MAP3K14: variants seen among roughly 807,000 people sequenced by gnomAD.
The protein encoded by MAP3K14 is mitogen-activated protein kinase kinase kinase 14.
Under a neutral mutation model 99.2 loss-of-function variants are expected in MAP3K14, and 16 were observed. The ratio of observed to expected loss-of-function variants is 0.16; its 90% CI spans 0.11 to 0.24. MAP3K14 has a LOEUF of 0.24. MAP3K14 is among the 10% of genes least tolerant of loss of function. MAP3K14 has a pLI of 1.00. For missense variants in MAP3K14, 784 were observed against 1,208.7 expected (o/e 0.65, Z 5.21); for synonymous variants, 462 against 492.4 (o/e 0.94, Z 0.82).
intron 1 of MAP3K14, among the ~76,000 whole-genome samples, chr17:45,316,262 C>T (rs369988525): frequency 3.9e-5 from 6 of 152,252 alleles, no homozygotes; most frequent in African/African-American, 1.2e-4. Context: ...GGGAAACGTA[C>T]GTACAAGTGG....
chr17:45,266,436 A>G (rs1326024477), intron 14 of MAP3K14, 101 bp downstream of exon 14: 13 of 1,431,756 alleles, frequency 9.1e-6, no homozygotes, highest in Non-Finnish European at 1.2e-5. Context: ...CCTCCCTCCC[A>G]CTGTGCCAGA....
At chr17:45,277,071 G>A (rs1279164370) in intron 6 of MAP3K14, among the ~76,000 whole-genome samples, 3 of 151,202 alleles carry the variant, frequency 2.0e-5, no homozygotes, top group South Asian at 2.1e-4. Flanking sequence ...CTCATGATCC[G>A]CCCACCTCAG....
In MAP3K14 at chr17:45,287,055, G is replaced by C. The variant is rs758150852; in HGVS notation, c.538-10C>G. On this transcript the variant is annotated splice_polypyrimidine_tract_variant and intron_variant, in intron 4 of 15. Transcript: ENST00000344686. ...GTGGAGACTCATCCTCCTGCGGGGGGAAACACAGCTATCAGCACAGAGGGC... is the reference window on the plus strand; with the variant it reads ...GTGGAGACTCATCCTCCTGCGGGGGCAAACACAGCTATCAGCACAGAGGGC... The C allele has an allele frequency of 6.2e-7, 1 of 1,609,180 alleles. No homozygotes were observed. The highest frequency in any genetic ancestry group is 1.1e-5 in the South Asian group (1 of 90,860).
At chr17:45,276,916 G>A (rs1256301902) in intron 6 of MAP3K14, among the ~76,000 whole-genome samples, 3 of 131,732 alleles carry the variant, frequency 2.3e-5, no homozygotes, top group Non-Finnish European at 3.1e-5. Context: ...TGCAACCTCC[G>A]CCTCCTGGGT....
chr17:45,300,285 A>G (rs1454988685), intron 1 of MAP3K14, among the ~76,000 whole-genome samples: 1 of 152,074 alleles, frequency 6.6e-6, no homozygotes, highest in African/African-American at 2.4e-5. Context: ...CATCTATTCT[A>G]TTGGCATTGG....
At chr17:45,281,295 AAAG>A (rs1221843415) in intron 6 of MAP3K14, among the ~76,000 whole-genome samples, 1 of 151,222 alleles carries the variant, frequency 6.6e-6, no homozygotes, top group African/African-American at 2.4e-5. Context: ...GGGTCTCTAC[AAAG>A]AAGTGCTAGG....
chr17:45,282,018 GTC>G (rs1312061937), intron 6 of MAP3K14: 11 of 152,094 alleles, frequency 7.2e-5, no homozygotes, highest in African/African-American at 2.4e-4. Flanking sequence ...AAAAGCAAAA[GTC>G]TCCATTCCCC....
At chr17:45,276,112 G>A (rs899948025) in intron 6 of MAP3K14, among the ~76,000 whole-genome samples, 2 of 152,082 alleles carry the variant, frequency 1.3e-5, no homozygotes, top group African/African-American at 4.8e-5. Flanking sequence ...ACAGAGCAGT[G>A]TTTATTCTGT....
In MAP3K14 at chr17:45,267,522, G is replaced by A; in HGVS notation, c.2210C>T (p.Ser737Phe). 6.2e-7 allele frequency: 1 copy of A among 1,613,374 alleles called. No individual in the cohort carries two copies. The highest frequency in any genetic ancestry group is 8.5e-7 in the Non-Finnish European group (1 of 1,179,574). Reference protein sequence around the residue: ...SPPLTLSKEESGMWEPLPLSS... With the variant: ...SPPLTLSKEEFGMWEPLPLSS... Reference sequence around the variant, plus strand: ...CAGAGGTAAGGGTTCCCACATCCCAGACTCCTCCTTGCTCAAAGTCAAGGG... The same window carrying A: ...CAGAGGTAAGGGTTCCCACATCCCAAACTCCTCCTTGCTCAAAGTCAAGGG... The change falls in exon 12 of 16, where the codon TCT becomes TTT. Residue 737 changes from serine (S) to phenylalanine (F), a missense_variant. Physicochemically the swap from Ser to Phe is radical, Grantham distance 155. Coordinates refer to ENST00000344686, the MANE Select transcript of MAP3K14 (RefSeq NM_003954.5). This position sits in a 1 kb window ranked among gnomAD's most constrained non-coding sequence, Gnocchi z 5.1.
chr17:45,286,963 T>G lies in MAP3K14; in HGVS notation c.620A>C (p.Gln207Pro), dbSNP rs1394308874. Residue 207 changes from glutamine (Q) to proline (P), a missense_variant, in exon 5 of 16, where the codon CAA becomes CCA. Coordinates refer to ENST00000344686, the MANE Select transcript of MAP3K14 (RefSeq NM_003954.5). This position sits in a 1 kb window ranked among gnomAD's most constrained non-coding sequence, Gnocchi z 4.1. ...CTCGCCAAGCTGCTTAAAACAGAGT[T>G]GCCCAAGGCCTGGTTCCTTCAGAGG... ...TKPLKEPGLG[Q>P]LCFKQLGEGL... The G allele has an allele frequency of 1.9e-6, 3 of 1,613,908 alleles. No homozygotes were observed. The highest frequency in any genetic ancestry group is 2.5e-6 in the Non-Finnish European group (3 of 1,179,900).
Position 45,312,433 on chromosome 17 carries a change from G to A in MAP3K14, c.-21+4527C>T, listed in dbSNP as rs143738909. On this transcript the variant is annotated intron_variant, in intron 1 of 15. Coordinates refer to ENST00000344686, the MANE Select transcript of MAP3K14 (RefSeq NM_003954.5). ...TTAGAAATGACTCTTCGGCCATCAA[G>A]TCAGCTTCCCCAAGAGAAAACAAAA... Among the ~76,000 whole-genome samples, 627 of 152,274 alleles carry A rather than the reference G, an allele frequency of 4.1e-3. 3 individuals carry two copies. The highest frequency in any genetic ancestry group is 6.9e-3 in the Admixed American group (106 of 15,292).
chr17:45,290,776 C>A lies in MAP3K14; in HGVS notation c.-20-11G>T, dbSNP rs768602939. 1.3e-5 allele frequency: 21 copies of A among 1,604,834 alleles called. No individual in the cohort carries two copies. Among genetic ancestry groups the A allele is most frequent in the Non-Finnish European group, 1.7e-5 (20 of 1,173,538 alleles). On this transcript the variant is annotated splice_polypyrimidine_tract_variant and intron_variant, in intron 1 of 15. Transcript: ENST00000344686. ...AGGCTTGTGCTCATCCTGAGAGAGA[C>A]CAAACACAGAGCAGGTCACTTAGAA...
At position 45,290,580 on chromosome 17, in the gene MAP3K14, C is replaced by T. The variant is rs1416305002; in HGVS notation, c.166G>A (p.Glu56Lys). 1.2e-6 allele frequency: 2 copies of T among 1,613,804 alleles called. No homozygotes were observed. The highest frequency in any genetic ancestry group is 1.7e-6 in the Non-Finnish European group (2 of 1,179,874). ...EKSPVFCGKW[E>K]ILNDVITKGT... ...TTGGTAATCACGTCATTCAGGATCTCCCACTTTCCGCAGAACACAGGGCTC... is the reference window on the plus strand; with the variant it reads ...TTGGTAATCACGTCATTCAGGATCTTCCACTTTCCGCAGAACACAGGGCTC... Residue 56 changes from glutamate to lysine, a missense_variant, in exon 2 of 16, where the codon GAG (glutamate) becomes AAG (lysine). By Grantham distance (56) the Glu-to-Lys change is moderately conservative. Coordinates refer to ENST00000344686, the MANE Select transcript of MAP3K14 (RefSeq NM_003954.5).
At chr17:45,303,647 C>T (rs1367921573) in intron 1 of MAP3K14, among the ~76,000 whole-genome samples, 1 of 152,058 alleles carries the variant, frequency 6.6e-6, no homozygotes, top group East Asian at 1.9e-4. Context: ...ATCCCGGCAC[C>T]GTCCCGTCCT....
At chr17:45,270,960 G>T in intron 10 of MAP3K14, 98 bp downstream of exon 10, 1 of 1,468,164 alleles carries the variant, frequency 6.8e-7, no homozygotes, top group Non-Finnish European at 9.2e-7. Flanking sequence ...GCCTCCCCTT[G>T]CTCCATCTGC....
intron 1 of MAP3K14, among the ~76,000 whole-genome samples, chr17:45,302,884 C>G (rs1208960976): frequency 6.6e-6 from 1 of 152,236 alleles, no homozygotes; most frequent in Non-Finnish European, 1.5e-5. Flanking sequence ...CAAGCTTGTC[C>G]TTCCTGGTTT....
chr17:45,289,191 G>A (rs781554737), intron 3 of MAP3K14, 45 bp downstream of exon 3: 2 of 1,573,182 alleles, frequency 1.3e-6, no homozygotes, highest in Non-Finnish European at 8.7e-7. Context: ...GAGGGCGCTG[G>A]GTCCAGTCCC....
At position 45,267,549 on chromosome 17, in the gene MAP3K14, G is replaced by A. The variant is rs1411377453; in HGVS notation, c.2183C>T (p.Pro728Leu). 2.5e-6 allele frequency: 4 copies of A among 1,613,712 alleles called. No homozygotes were observed. Among genetic ancestry groups the A allele is most frequent in the South Asian group, 1.1e-5 (1 of 91,066 alleles). ...CTCCTCCTTGCTCAAAGTCAAGGGA[G>A]GAGACTTGTTTGGCTCTGGGGGCTC... ...PPEPPEPNKS[P>L]PLTLSKEESG... Residue 728 changes from proline (P) to leucine (L), a missense_variant, in exon 12 of 16, where the codon CCT becomes CTT. Around this residue, in one of 5 missense-constraint regions of MAP3K14, gnomAD observed 128 missense variants for 143.3 expected, o/e 0.89. Coordinates refer to ENST00000344686, the MANE Select transcript of MAP3K14 (RefSeq NM_003954.5). The surrounding 1 kb of genome is among the most constrained non-coding windows in gnomAD (Gnocchi z 5.1).
chr17:45,282,731 G>A (rs2044233220), intron 6 of MAP3K14, among the ~76,000 whole-genome samples: 1 of 152,094 alleles, frequency 6.6e-6, no homozygotes, highest in Non-Finnish European at 1.5e-5. Flanking sequence ...GAGCATCAGG[G>A]GGGCACAGAC....
Sources: gnomAD v4.1 joint callset for allele counts (sites outside exome capture counted in the v4.1 genomes callset) on GRCh38, gnomAD v4.1.1 for gene constraint, gnomAD v4.1.1 regional missense constraint, Gnocchi (gnomAD v3.1) non-coding constraint, MANE v1.5 for transcripts, NCBI Gene and HGNC (gene_info 2026-07-23, HGNC 2026-07-21) for gene names.